Variants in SYT16 observed in about 807,000 individuals in gnomAD.
SYT16 encodes synaptotagmin-16.
Under a neutral mutation model 61.4 loss-of-function variants are expected in SYT16, and 42 were observed. The observed-to-expected ratio is 0.68, with a 90% CI of 0.53 to 0.89. The LOEUF (loss-of-function observed/expected upper bound fraction) is 0.89, where lower values mean the gene tolerates loss of function less well. Among genes scored for constraint, SYT16 ranks in the 40% least tolerant of loss-of-function variants. SYT16 has a pLI of 0.00. For synonymous variants in SYT16, 314 were observed against 302.3 expected (o/e 1.04, Z -0.40); for missense variants, 804 against 807.3 (o/e 1.00, Z 0.05).
At chr14:62,011,981 A>C (rs2053486040) in intron 3 of SYT16, among the ~76,000 whole-genome samples, 1 of 137,432 alleles carries the variant, frequency 7.3e-6, no homozygotes, top group African/African-American at 2.9e-5. Flanking sequence ...GATTTAGATC[A>C]TGGCTTTTCT....
intron 1 of SYT16, among the ~76,000 whole-genome samples, chr14:61,950,932 T>C (rs1000591788): frequency 6.6e-6 from 1 of 152,170 alleles, no homozygotes; most frequent in East Asian, 1.9e-4. Flanking sequence ...AACTTCCCCA[T>C]AGGAAGAGGT....
At chr14:61,981,473 G>A (rs1478630562) in intron 2 of SYT16, among the ~76,000 whole-genome samples, 2 of 152,184 alleles carry the variant, frequency 1.3e-5, no homozygotes, top group Non-Finnish European at 2.9e-5. Context: ...ATACAAGAAA[G>A]TGGAGAGAAA....
intron 1 of SYT16, among the ~76,000 whole-genome samples, chr14:61,838,407 G>A (rs1020995895): frequency 4.6e-5 from 7 of 152,150 alleles, no homozygotes; most frequent in Admixed American, 4.6e-4. Flanking sequence ...CAACTAGGCT[G>A]TCAGAGGACC....
At chr14:62,032,728 T>A (rs964752381) in intron 3 of SYT16, among the ~76,000 whole-genome samples, 1 of 151,188 alleles carries the variant, frequency 6.6e-6, no homozygotes, top group African/African-American at 2.4e-5. Flanking sequence ...AAAAAAAAAA[T>A]TAAGGTAAAT....
intron 1 of SYT16, among the ~76,000 whole-genome samples, chr14:61,846,937 A>G (rs1315456842): frequency 6.6e-6 from 1 of 152,168 alleles, no homozygotes; most frequent in African/African-American, 2.4e-5. Context: ...AAGAAAACTG[A>G]TAAAGATTCT....
In SYT16 at chr14:61,854,973, T is replaced by G. The variant is rs559456642; in HGVS notation, c.-325+42163T>G. Among the ~76,000 whole-genome samples, 123 of 152,304 alleles carry G rather than the reference T, an allele frequency of 8.1e-4. 4 individuals carry two copies. The South Asian group carries it at 0.025, about 31-fold the overall frequency. On this transcript the variant is annotated intron_variant, in intron 1 of 7. Coordinates refer to ENST00000683842, the MANE Select transcript of SYT16 (RefSeq NM_001367656.1). ...TGCTTGTCTCATATTAGTGAAAATC[T>G]AGCACCTTGGGTTTTTCTCTCATCA...
chr14:62,035,069 C>T (rs10498491), intron 3 of SYT16, among the ~76,000 whole-genome samples: 18 of 152,050 alleles, frequency 1.2e-4, no homozygotes, highest in African/African-American at 4.3e-4. Context: ...TACATATGTC[C>T]TCTGTTTTTC....
intron 3 of SYT16, among the ~76,000 whole-genome samples, chr14:62,021,072 A>G (rs2053890321): frequency 6.6e-6 from 1 of 152,142 alleles, no homozygotes; most frequent in South Asian, 2.1e-4. Flanking sequence ...CTCATCTTGT[A>G]TTATAATAAT....
At chr14:61,918,843 A>T (rs1409152937) in intron 1 of SYT16, among the ~76,000 whole-genome samples, 1 of 152,126 alleles carries the variant, frequency 6.6e-6, no homozygotes, top group Non-Finnish European at 1.5e-5. Context: ...GTACCTCCTG[A>T]GAGAGAAAAT....
chr14:61,923,668 T>G (rs1367891636), intron 1 of SYT16, among the ~76,000 whole-genome samples: 2 of 152,130 alleles, frequency 1.3e-5, no homozygotes, highest in Non-Finnish European at 2.9e-5. Context: ...CCTACTGAAG[T>G]TATTGGGACG....
At chr14:61,885,534 G>A (rs1249591317) in intron 1 of SYT16, among the ~76,000 whole-genome samples, 1 of 152,170 alleles carries the variant, frequency 6.6e-6, no homozygotes, top group Non-Finnish European at 1.5e-5. Context: ...TCAGATAAAT[G>A]TTTAATAAGT....
At chr14:62,037,581 A>AGT (rs2054560803) in intron 3 of SYT16, among the ~76,000 whole-genome samples, 1 of 152,168 alleles carries the variant, frequency 6.6e-6, no homozygotes, top group Non-Finnish European at 1.5e-5. Flanking sequence ...GGTTATTTAG[A>AGT]GTGTTTACTT....
At chr14:62,096,886 A>G (rs2057291624) in intron 7 of SYT16, among the ~76,000 whole-genome samples, 2 of 152,110 alleles carry the variant, frequency 1.3e-5, no homozygotes, top group South Asian at 4.1e-4. Flanking sequence ...AGTTTGTGTG[A>G]TTTTTTTATT....
At chr14:62,050,917 C>G (rs1322773069) in intron 3 of SYT16, among the ~76,000 whole-genome samples, 3 of 152,170 alleles carry the variant, frequency 2.0e-5, no homozygotes, top group Non-Finnish European at 2.9e-5. Flanking sequence ...TACTGGGGGT[C>G]AGGGACCCAC....
At chr14:62,034,542 C>G (rs945874637) in intron 3 of SYT16, among the ~76,000 whole-genome samples, 1 of 152,068 alleles carries the variant, frequency 6.6e-6, no homozygotes, top group African/African-American at 2.4e-5. Flanking sequence ...GAACTACTGA[C>G]ATATGCTACA....
chr14:61,840,507 G>A (rs1427023214), intron 1 of SYT16, among the ~76,000 whole-genome samples: 1 of 152,196 alleles, frequency 6.6e-6, no homozygotes, highest in Admixed American at 6.5e-5. Flanking sequence ...AGAGTTGGGA[G>A]CAAAACCCAG....
rs973199788 is a variant in SYT16, at chr14:62,112,229, G to T, written c.*11522G>T. ...AATGTAAAACTTTACCTGTGACAAGGAATAAATTCATGATTAGAAGAATTA... is the reference window on the plus strand; with the variant it reads ...AATGTAAAACTTTACCTGTGACAAGTAATAAATTCATGATTAGAAGAATTA... On this transcript the variant is annotated 3_prime_UTR_variant, in exon 8 of 8. Coordinates refer to ENST00000683842, the MANE Select transcript of SYT16 (RefSeq NM_001367656.1). The T allele has an allele frequency of 6.6e-6, 1 of 152,018 alleles. No individual in the cohort carries two copies. Among genetic ancestry groups the T allele is most frequent in the African/African-American group, 2.4e-5 (1 of 41,412 alleles). 9.4% of individuals were successfully genotyped at this position (152,018 alleles called of 1,614,324 possible).
rs537065195 is a variant in SYT16, at chr14:61,987,945, C to A, written c.-144-7931C>A. Among the ~76,000 whole-genome samples, 18 of 152,158 alleles carry A rather than the reference C, an allele frequency of 1.2e-4. No individual in the cohort carries two copies. In the South Asian group the frequency reaches 3.3e-3, roughly 28 times the overall value. ...TTTCAAGTGATACAAATGATGTTTCCATCTGTGCTTTGGGGACAAAAATCA... is the reference window on the plus strand; with the variant it reads ...TTTCAAGTGATACAAATGATGTTTCAATCTGTGCTTTGGGGACAAAAATCA... On this transcript the variant is annotated intron_variant, in intron 2 of 7. Coordinates refer to ENST00000683842, the MANE Select transcript of SYT16 (RefSeq NM_001367656.1).
At chr14:61,848,810 A>T (rs983716620) in intron 1 of SYT16, among the ~76,000 whole-genome samples, 3 of 152,132 alleles carry the variant, frequency 2.0e-5, no homozygotes, top group African/African-American at 7.2e-5. Flanking sequence ...CCCTTTTGTG[A>T]CAGAGCTGGT....
Sources: gnomAD v4.1 joint callset for allele counts (sites outside exome capture counted in the v4.1 genomes callset) on GRCh38, gnomAD v4.1.1 for gene constraint, MANE v1.5 for transcripts, NCBI Gene and HGNC (gene_info 2026-07-23, HGNC 2026-07-21) for gene names.